WDR41: variants seen among roughly 807,000 people sequenced by gnomAD.
WDR41 encodes WD repeat domain 41.
WDR41 carries 63 observed loss-of-function variants against 69.3 expected under a neutral mutation model. The observed-to-expected ratio is 0.91, with a 90% CI of 0.74 to 1.12. The LOEUF is 1.12. Among genes scored for constraint, WDR41 ranks in the 50% most tolerant of loss-of-function variants. The pLI is 0.00. For synonymous variants in WDR41, 185 were observed against 192.1 expected (o/e 0.96, Z 0.31); for missense variants, 543 against 534.5 (o/e 1.02, Z -0.16).
intron 2 of WDR41, among the ~76,000 whole-genome samples, chr5:77,476,039 A>C (rs1026504292): frequency 6.6e-6 from 1 of 152,226 alleles, no homozygotes; most frequent in Non-Finnish European, 1.5e-5. Context: ...AAGCCTCAGA[A>C]GCCGATGCGA....
intron 1 of WDR41, among the ~76,000 whole-genome samples, chr5:77,607,184 T>C (rs989088591): frequency 2.6e-5 from 4 of 152,110 alleles, no homozygotes; most frequent in African/African-American, 7.2e-5. Context: ...TATTATTAGA[T>C]AAAAAGTTCA....
Position 77,479,878 on chromosome 5 carries a change from G to C in WDR41, c.167+9579C>G, listed in dbSNP as rs570710692. On this transcript the variant is annotated intron_variant, in intron 2 of 12. Coordinates refer to ENST00000296679, the MANE Select transcript of WDR41 (RefSeq NM_018268.4). ...CAGCAAAAGAAACTACCATCAGAGT[G>C]AACAGGCAACCTACAAAATGGGAGA... Among the ~76,000 whole-genome samples, 130 of 151,696 alleles carry C rather than the reference G, an allele frequency of 8.6e-4. 2 individuals carry two copies. The South Asian group carries it at 0.022, about 26-fold the overall frequency.
At chr5:77,471,369 A>C (rs1199878211) in intron 2 of WDR41, among the ~76,000 whole-genome samples, 1 of 152,226 alleles carries the variant, frequency 6.6e-6, no homozygotes, top group Admixed American at 6.5e-5. Flanking sequence ...TAAAAGAACT[A>C]GAAAAGCAAG....
intron 8 of WDR41, among the ~76,000 whole-genome samples, chr5:77,445,423 T>C (rs1799341933): frequency 6.6e-6 from 1 of 152,172 alleles, no homozygotes; most frequent in African/African-American, 2.4e-5. Flanking sequence ...ATTCATTTTA[T>C]GAAGCCAGCA....
intron 1 of WDR41, among the ~76,000 whole-genome samples, chr5:77,615,556 T>C (rs1744663698): frequency 6.6e-6 from 1 of 152,074 alleles, no homozygotes; most frequent in East Asian, 1.9e-4. Flanking sequence ...AATTGATGGT[T>C]ACTATAATAG....
At chr5:77,605,964 G>GA (rs1012238019) in intron 1 of WDR41, among the ~76,000 whole-genome samples, 3 of 151,692 alleles carry the variant, frequency 2.0e-5, no homozygotes, top group African/African-American at 4.8e-5. Flanking sequence ...TATAAAGAAT[G>GA]AAAAAAAAGT....
chr5:77,530,401 A>G (rs1460490735), intron 1 of WDR41, among the ~76,000 whole-genome samples: 2 of 151,724 alleles, frequency 1.3e-5, no homozygotes, highest in African/African-American at 4.8e-5. Context: ...ATAGACAAAC[A>G]TCTTTATAAA....
intron 4 of WDR41, among the ~76,000 whole-genome samples, chr5:77,461,191 A>G (rs1800035732): frequency 6.6e-6 from 1 of 152,166 alleles, no homozygotes; most frequent in African/African-American, 2.4e-5. Context: ...TTTATCCCAT[A>G]TTTGCCTCTA....
Position 77,443,190 on chromosome 5 carries a change from G to T in WDR41, c.698-2193C>A, listed in dbSNP as rs376106694. The stretch of plus-strand genomic sequence containing the variant: ...CTAAAAATCAAATTGAATAATAAAC[G>T]TGTAGCCATTTTAAAAAGACATCAA... On this transcript the variant is annotated intron_variant, in intron 8 of 12. Coordinates refer to ENST00000296679, the MANE Select transcript of WDR41 (RefSeq NM_018268.4). Among the ~76,000 whole-genome samples, 5 of 152,138 alleles carry T rather than the reference G, an allele frequency of 3.3e-5. No individual in the cohort carries two copies. The East Asian group carries it at 5.8e-4, about 18-fold the overall frequency.
intron 1 of WDR41, among the ~76,000 whole-genome samples, chr5:77,541,186 A>T (rs1009815517): frequency 2.0e-5 from 3 of 152,116 alleles, no homozygotes; most frequent in African/African-American, 7.2e-5. Flanking sequence ...ATGGGAGAAA[A>T]TTTTTGCAAT....
chr5:77,453,850 G>C lies in WDR41; in HGVS notation c.490C>G (p.Leu164Val). Residue 164 changes from leucine (L) to valine (V), a missense_variant, in exon 6 of 13, where the codon CTC (leucine) becomes GTC (valine). Coordinates refer to ENST00000296679, the MANE Select transcript of WDR41 (RefSeq NM_018268.4). The part of the protein sequence containing the change: ...DLCVWNRKLD[L>V]LCKTSHLSDT... ...GAAAGGTGGCTAGTCTTACACAGGA[G>C]ATCTAATTTTCGGTTCCACACACAC... 1 of 1,614,018 alleles carries C rather than the reference G, an allele frequency of 6.2e-7. No individual in the cohort carries two copies.
At chr5:77,557,694 G>A (rs574778305) in intron 1 of WDR41, among the ~76,000 whole-genome samples, 20 of 151,578 alleles carry the variant, frequency 1.3e-4, no homozygotes, top group Non-Finnish European at 2.5e-4. Context: ...TCCTAGGCAC[G>A]TACCTACAGA....
intron 1 of WDR41, among the ~76,000 whole-genome samples, chr5:77,577,814 C>A (rs1316820753): frequency 6.6e-6 from 1 of 152,122 alleles, no homozygotes; most frequent in Non-Finnish European, 1.5e-5. Flanking sequence ...TCCCAATAAA[C>A]CCATTGTAAG....
At chr5:77,434,369 A>G (rs1798856443) in intron 12 of WDR41, among the ~76,000 whole-genome samples, 1 of 152,242 alleles carries the variant, frequency 6.6e-6, no homozygotes, top group East Asian at 1.9e-4. Flanking sequence ...AGACCACAGG[A>G]TAAGACTCAG....
intron 1 of WDR41, among the ~76,000 whole-genome samples, chr5:77,591,932 T>C (rs570260813): frequency 3.0e-4 from 46 of 152,254 alleles, no homozygotes; most frequent in African/African-American, 1.1e-3. Flanking sequence ...TATTTCTACT[T>C]ATTTTCCCTG....
intron 6 of WDR41, 42 bp downstream of exon 6, chr5:77,453,775 A>C (rs914528545): frequency 8.1e-6 from 12 of 1,474,984 alleles, no homozygotes; most frequent in Non-Finnish European, 1.1e-5. Context: ...TGTGTCTTCT[A>C]GTCTGTCAAT....
chr5:77,431,310 G>T lies in WDR41; in HGVS notation c.*1825C>A. ...CTTAGTCAACAGCCAGCAGTATCAA[G>T]ACCCTCCACCAGCAAAAAGATTATG... On this transcript the variant is annotated 3_prime_UTR_variant, in exon 13 of 13. Coordinates refer to ENST00000296679, the MANE Select transcript of WDR41 (RefSeq NM_018268.4). 1 of 152,568 alleles carries T rather than the reference G, an allele frequency of 6.6e-6. No individual in the cohort carries two copies. The highest frequency in any genetic ancestry group is 2.0e-4 in the South Asian group (1 of 5,096). 9.5% of individuals were successfully genotyped at this position (152,568 alleles called of 1,614,324 possible). A position where few individuals can be genotyped will look rare whatever the true frequency, so the allele number is the denominator to read the frequency against.
At chr5:77,577,637 AG>A (rs1743858431) in intron 1 of WDR41, among the ~76,000 whole-genome samples, 1 of 152,208 alleles carries the variant, frequency 6.6e-6, no homozygotes, top group Non-Finnish European at 1.5e-5. Flanking sequence ...TTTACCCTAG[AG>A]AAACTTTACA....
At chr5:77,613,501 A>C (rs939308687) in intron 1 of WDR41, among the ~76,000 whole-genome samples, 2 of 152,096 alleles carry the variant, frequency 1.3e-5, no homozygotes, top group Admixed American at 6.5e-5. Flanking sequence ...CATATCTACA[A>C]CTATCTGATC....
Sources: gnomAD v4.1 joint callset for allele counts (sites outside exome capture counted in the v4.1 genomes callset) on GRCh38, gnomAD v4.1.1 for gene constraint, MANE v1.5 for transcripts, NCBI Gene and HGNC (gene_info 2026-07-23, HGNC 2026-07-21) for gene names.